The following AHNAK variants were observed in gnomAD, a reference collection of about 807,000 sequenced individuals.
The protein encoded by AHNAK is AHNAK nucleoprotein.
A neutral mutation model predicts 37.8 loss-of-function variants in AHNAK; 23 were observed. The ratio of observed to expected loss-of-function variants is 0.61; its 90% CI spans 0.44 to 0.86. The LOEUF is 0.86. Among genes scored for constraint, AHNAK ranks in the 40% least tolerant of loss-of-function variants. The pLI, the probability that AHNAK is intolerant of heterozygous loss-of-function variation, is 0.00. For missense variants in AHNAK, 7,411 were observed against 7,319.4 expected (o/e 1.01, Z -0.46); for synonymous variants, 2,481 against 2,636.3 (o/e 0.94, Z 1.80).
Position 62,523,225 on chromosome 11 carries a change from G to C in AHNAK, c.11192C>G (p.Pro3731Arg), listed in dbSNP as rs1303577785. 1 of 1,613,330 alleles carries C rather than the reference G, an allele frequency of 6.2e-7. No individual in the cohort carries two copies. The highest frequency in any genetic ancestry group is 1.3e-5 in the African/African-American group (1 of 74,652). ...GTGCATCTCTGGTATCTTAAATTTG[G>C]GTCCCTTGAATTTACCCTCTGAGCC... ...IEGSEGKFKG[P>R]KFKIPEMHLK... The change falls in exon 5 of 5, where the codon CCC becomes CGC. Residue 3731 changes from proline (P) to arginine (R), a missense_variant. By Grantham distance (103) the Pro-to-Arg change is moderately radical. Transcript: ENST00000378024.
rs142437234 is a variant in AHNAK at position 62,516,707 on chromosome 11, T to TTA, written c.*35_*36dup. 7,565 of 1,452,768 alleles carry TTA rather than the reference T, an allele frequency of 5.2e-3. 4 individuals are homozygous for TTA. The highest frequency in any genetic ancestry group is 6.9e-3 in the East Asian group (288 of 41,602). 90.0% of individuals were successfully genotyped at this position (1,452,768 alleles called of 1,614,324 possible). ...CACACCACCCAAGGCTGATGTTTTGTTATATATATATATATGTACACACAT... is the reference window on the plus strand; with the variant it reads ...CACACCACCCAAGGCTGATGTTTTGTTATATATATATATATATGTACACACAT... On this transcript the variant is annotated 3_prime_UTR_variant, in exon 5 of 5. Coordinates refer to ENST00000378024, the MANE Select transcript of AHNAK (RefSeq NM_001620.3).
In AHNAK at chr11:62,522,646, C is replaced by T. The variant is rs142578457; in HGVS notation, c.11771G>A (p.Arg3924Gln). 404 of 1,574,176 alleles carry T rather than the reference C, an allele frequency of 2.6e-4. 2 individuals are homozygous for T. Among genetic ancestry groups the T allele is most frequent in the South Asian group, 2.2e-3 (190 of 87,510 alleles). ...CATCTTCAGGTGCCAGTCTGGGCCT[C>T]GAACATCCACATCTGGGGCATTAAT... is the stretch of plus-strand genomic sequence containing the variant. ...VDINAPDVDVRGPDWHLKMPK... is the reference protein window; with the variant it reads ...VDINAPDVDVQGPDWHLKMPK... The change falls in exon 5 of 5, where the codon CGA (arginine) becomes CAA (glutamine). Residue 3924 changes from arginine (R) to glutamine (Q), a missense_variant. Coordinates refer to ENST00000378024, the MANE Select transcript of AHNAK (RefSeq NM_001620.3).
At chr11:62,450,640 T>C (rs1001320952) in intron 5 of AHNAK, among the ~76,000 whole-genome samples, 2 of 152,210 alleles carry the variant, frequency 1.3e-5, no homozygotes, top group African/African-American at 4.8e-5. Context: ...GCAAGTGCCA[T>C]GCACCGTCAG....
At chr11:62,476,808 C>T (rs1175733909) in intron 5 of AHNAK, among the ~76,000 whole-genome samples, 4 of 152,122 alleles carry the variant, frequency 2.6e-5, no homozygotes, top group Non-Finnish European at 4.4e-5. Context: ...CAAAGCCAAG[C>T]TTGTACCAAA....
At position 62,491,452 on chromosome 11, in the gene AHNAK, C is replaced by T. The variant is rs142602513; in HGVS notation, c.442+280G>A. On this transcript the variant is annotated intron_variant, in intron 5 of 5. Coordinates refer to the AHNAK transcript ENST00000257247. Reference sequence around the variant, plus strand: ...GTCTTAAAAGAATGTGGATATTCCACGGCAGCCCTCCCTATGAAGAAACGC... The same window carrying T: ...GTCTTAAAAGAATGTGGATATTCCATGGCAGCCCTCCCTATGAAGAAACGC... Among the ~76,000 whole-genome samples the T allele has an allele frequency of 1.2e-3, 189 of 152,294 alleles. 3 individuals carry two copies. Among genetic ancestry groups the T allele is most frequent in the East Asian group, 3.9e-4 (2 of 5,190 alleles).
rs1490448261 is a variant in AHNAK, at chr11:62,436,851, A to C, written c.443-2960T>G. Among the ~76,000 whole-genome samples, 6 of 152,162 alleles carry C rather than the reference A, an allele frequency of 3.9e-5. No individual in the cohort carries two copies. In the East Asian group the frequency reaches 1.2e-3, roughly 29 times the overall value. On this transcript the variant is annotated intron_variant, in intron 5 of 5. Coordinates refer to the AHNAK transcript ENST00000257247. ...CTACTCGGGAAACTGAGGCAGGAGA[A>C]TGGCGTGAACCCAGGAGGCGGAGCT...
chr11:62,464,346 C>T (rs1938859186), intron 5 of AHNAK, among the ~76,000 whole-genome samples: 1 of 151,970 alleles, frequency 6.6e-6, no homozygotes, highest in Non-Finnish European at 1.5e-5. Flanking sequence ...GCAGGAGCCA[C>T]CGCACCCAGC....
At position 62,528,151 on chromosome 11, in the gene AHNAK, G is replaced by A. The variant is rs769888898; in HGVS notation, c.6266C>T (p.Pro2089Leu). Residue 2089 changes from proline to leucine, a missense_variant, in exon 5 of 5, where the codon CCA becomes CTA. By Grantham distance (98) the Pro-to-Leu change is moderately conservative (BLOSUM62 -3). Coordinates refer to ENST00000378024, the MANE Select transcript of AHNAK (RefSeq NM_001620.3). ...VSGPKVDVEV[P>L]DVSLEGPEGK... Reference sequence around the variant, plus strand: ...TTCTGGACCTTCAAGGCTCACATCTGGGACTTCAACATCCACCTTGGGTCC... The same window carrying A: ...TTCTGGACCTTCAAGGCTCACATCTAGGACTTCAACATCCACCTTGGGTCC... 6.2e-7 allele frequency: 1 copy of A among 1,613,484 alleles called. No individual in the cohort carries two copies. Among genetic ancestry groups the A allele is most frequent in the East Asian group, 2.2e-5 (1 of 44,760 alleles).
rs774185761 is a variant in AHNAK at position 62,533,797 on chromosome 11, C to G, written c.620G>C (p.Arg207Thr). The change falls in exon 5 of 5, where the codon AGA (arginine) becomes ACA (threonine). Residue 207 changes from arginine (R) to threonine (T), a missense_variant. Physicochemically the swap from Arg to Thr is moderately conservative, Grantham distance 71. Coordinates refer to ENST00000378024, the MANE Select transcript of AHNAK (RefSeq NM_001620.3). ...GGCTGCCCCCGAGCCCGAGGGCAGT[C>G]TGATCACGGTCTTCCCAGACTGGGT... Reference protein sequence around the residue: ...VETQSGKTVIRLPSGSGAASP... With the variant: ...VETQSGKTVITLPSGSGAASP... The G allele has an allele frequency of 3.1e-6, 5 of 1,614,174 alleles. No individual in the cohort carries two copies. The highest frequency in any genetic ancestry group is 4.2e-6 in the Non-Finnish European group (5 of 1,180,018).
chr11:62,442,498 T>C (rs991670394), intron 5 of AHNAK, among the ~76,000 whole-genome samples: 32 of 152,110 alleles, frequency 2.1e-4, no homozygotes, highest in African/African-American at 6.7e-4. Flanking sequence ...TGGTGAGCCG[T>C]GATTGTGCCA....
chr11:62,532,127 C>G lies in AHNAK; in HGVS notation c.2290G>C (p.Ala764Pro), dbSNP rs761042478. The G allele has an allele frequency of 6.2e-6, 10 of 1,613,802 alleles. No individual in the cohort carries two copies. The highest frequency in any genetic ancestry group is 8.5e-6 in the Non-Finnish European group (10 of 1,179,990). ...TTCACATCCACTTCTGGGCCCTCTG[C>G]TTTGAACCCTGGCACACTGAATTTG... Reference protein sequence around the residue: ...MPKFSVPGFKAEGPEVDVNLP... With the variant: ...MPKFSVPGFKPEGPEVDVNLP... Residue 764 changes from alanine to proline, a missense_variant, in exon 5 of 5, where the codon GCA becomes CCA. Transcript: ENST00000378024.
At chr11:62,538,312 G>C (rs1420114890) in intron 1 of AHNAK, among the ~76,000 whole-genome samples, 1 of 152,182 alleles carries the variant, frequency 6.6e-6, no homozygotes, top group South Asian at 2.1e-4. Flanking sequence ...CAGGCCCTGA[G>C]CCAGGCCCTT....
chr11:62,537,121 C>T (rs894955784), intron 1 of AHNAK, among the ~76,000 whole-genome samples: 23 of 151,792 alleles, frequency 1.5e-4, no homozygotes, highest in African/African-American at 5.6e-4. Context: ...GCACCACACC[C>T]GGCTAATTTT....
rs1565239638 is a variant in AHNAK at position 62,528,810 on chromosome 11, G to T, written c.5607C>A (p.Val1869=). 1 of 1,612,162 alleles carries T rather than the reference G, an allele frequency of 6.2e-7. No homozygotes were observed. The highest frequency in any genetic ancestry group is 8.5e-7 in the Non-Finnish European group (1 of 1,179,524). Residue 1869 remains valine, a synonymous_variant, in exon 5 of 5, where the codon GTC becomes GTA. Transcript: ENST00000378024. ...GCACCGACACATCCGCATCCCCTTTGACTTTGGGGCCTTTCAGGTGTAAGT... is the reference window on the plus strand; with the variant it reads ...GCACCGACACATCCGCATCCCCTTTTACTTTGGGGCCTTTCAGGTGTAAGT... ...DVDLHLKGPK[V]KGDADVSVPK... is the part of the protein sequence containing the mutation.
Position 62,533,153 on chromosome 11 carries a change from C to T in AHNAK, c.1264G>A (p.Val422Ile), listed in dbSNP as rs375873222. ...TTCAGTTTGCTCCCAGGCCCCTGAACATCAATGTCAGGGGCCTGAACTTCC... is the reference window on the plus strand; with the variant it reads ...TTCAGTTTGCTCCCAGGCCCCTGAATATCAATGTCAGGGGCCTGAACTTCC... ...SVEVQAPDID[V>I]QGPGSKLNVP... Residue 422 changes from valine to isoleucine, a missense_variant, in exon 5 of 5, where the codon GTT becomes ATT. Val to Ile is a conservative substitution (Grantham distance 29, BLOSUM62 3). Transcript: ENST00000378024. 2.3e-5 allele frequency: 36 copies of T among 1,541,998 alleles called. No homozygotes were observed. In the Admixed American group the frequency reaches 5.9e-4, roughly 25 times the overall value.
intron 5 of AHNAK, among the ~76,000 whole-genome samples, chr11:62,488,465 G>A (rs1239912683): frequency 5.3e-5 from 8 of 150,938 alleles, no homozygotes; most frequent in East Asian, 1.9e-4. Context: ...GCAATGGCGC[G>A]ATCCCAGTTC....
chr11:62,522,708 T>C lies in AHNAK; in HGVS notation c.11709A>G (p.Gln3903=), dbSNP rs777181791. ...GGCCTTTAATATCCAAGTCAGGAAC[T>C]TGCATGTCACCTTCCACTTTTGGCA... ...VSLPKVEGDM[Q]VPDLDIKGPK... The change falls in exon 5 of 5, where the codon CAA becomes CAG. Residue 3903 remains glutamine (Q), a synonymous_variant. Coordinates refer to ENST00000378024, the MANE Select transcript of AHNAK (RefSeq NM_001620.3). The C allele has an allele frequency of 3.7e-6, 6 of 1,612,022 alleles. No homozygotes were observed. The South Asian group carries it at 6.6e-5, about 18-fold the overall frequency.
chr11:62,483,842 G>C (rs1481739957), intron 5 of AHNAK, among the ~76,000 whole-genome samples: 1 of 139,232 alleles, frequency 7.2e-6, no homozygotes. Context: ...CTGGGCGACA[G>C]AGCAAGACTC....
At position 62,476,652 on chromosome 11, in the gene AHNAK, C is replaced by A. The variant is rs190059180; in HGVS notation, c.442+15080G>T. Among the ~76,000 whole-genome samples, 9 of 152,288 alleles carry A rather than the reference C, an allele frequency of 5.9e-5. No homozygotes were observed. The East Asian group carries it at 7.7e-4, about 13-fold the overall frequency. On this transcript the variant is annotated intron_variant, in intron 5 of 5. Transcript: ENST00000257247. ...AAACAAAACAAACAAAAAAAAACATCATTTTGAAATGTCTTCTCTTATTCT... is the reference window on the plus strand; with the variant it reads ...AAACAAAACAAACAAAAAAAAACATAATTTTGAAATGTCTTCTCTTATTCT...
Sources: allele counts gnomAD v4.1 joint callset (sites outside exome capture counted in the v4.1 genomes callset), GRCh38; gene constraint gnomAD v4.1.1; transcripts MANE v1.5; gene names NCBI Gene and HGNC (gene_info 2026-07-23, HGNC 2026-07-21).